Variants in SLC13A5 observed in about 807,000 individuals in gnomAD.
SLC13A5 encodes Na(+)/citrate cotransporter.
In SLC13A5, 25 loss-of-function variants were observed where a neutral mutation model predicts 56.5. That is an observed-to-expected ratio of 0.44 (90% confidence interval 0.32 to 0.62). The LOEUF (loss-of-function observed/expected upper bound fraction) is 0.62. Ranked by LOEUF, SLC13A5 falls within the 20% of genes least tolerant of loss-of-function variation. The pLI is 0.04. For synonymous variants in SLC13A5, 307 were observed against 301.5 expected (o/e 1.02, Z -0.19); for missense variants, 649 against 737.8 (o/e 0.88, Z 1.39).
At chr17:6,708,808 G>T (rs115726133) in intron 1 of SLC13A5, among the ~76,000 whole-genome samples, 2 of 152,058 alleles carry the variant, frequency 1.3e-5, no homozygotes, top group African/African-American at 4.8e-5. Flanking sequence ...GCACGCCCAC[G>T]CTCACTCAGA....
At position 6,693,064 on chromosome 17, in the gene SLC13A5, C is replaced by A; in HGVS notation, c.1255G>T (p.Ala419Ser). The change falls in exon 9 of 12, where the codon GCT (alanine) becomes TCT (serine). Residue 419 changes from alanine to serine, a missense_variant. By Grantham distance (99) the Ala-to-Ser change is moderately conservative. Transcript: ENST00000433363. ...GIVLLLGGGFALAKGSEASGL... is the reference protein window; with the variant it reads ...GIVLLLGGGFSLAKGSEASGL... ...GTTACCTCGGATCCTTTAGCCAGAG[C>A]AAATCCGCCCCCTAGTAGCAGCACG... The A allele has an allele frequency of 6.2e-7, 1 of 1,614,136 alleles. No individual in the cohort carries two copies. Among genetic ancestry groups the A allele is most frequent in the Non-Finnish European group, 8.5e-7 (1 of 1,180,022 alleles).
intron 10 of SLC13A5, chr17:6,688,268 A>ATGCAAACATGTTTGT (rs1319828331): frequency 6.6e-6 from 1 of 152,274 alleles, no homozygotes; most frequent in Non-Finnish European, 1.5e-5. Flanking sequence ...GGGCAGACAC[A>ATGCAAACATGTTTGT]TGCAAACATG....
At chr17:6,695,663 T>C (rs542594714) in intron 7 of SLC13A5, 63 bp downstream of exon 7, 3 of 1,559,794 alleles carry the variant, frequency 1.9e-6, no homozygotes, top group East Asian at 2.2e-5. Flanking sequence ...AGTGCTGGGA[T>C]TACATGTGTG....
chr17:6,699,103 T>TA (rs1973642093), intron 6 of SLC13A5, among the ~76,000 whole-genome samples: 1 of 148,404 alleles, frequency 6.7e-6, no homozygotes, highest in East Asian at 1.9e-4. Context: ...TAAAATAAAA[T>TA]AAAATAAAGA....
chr17:6,688,979 C>T (rs553040261), intron 10 of SLC13A5: 29 of 152,242 alleles, frequency 1.9e-4, no homozygotes, highest in Admixed American at 1.6e-3. Flanking sequence ...TTTTTAATGG[C>T]CTGATAATGT....
intron 1 of SLC13A5, among the ~76,000 whole-genome samples, chr17:6,710,319 G>A (rs180728864): frequency 6.6e-6 from 1 of 152,254 alleles, no homozygotes; most frequent in East Asian, 1.9e-4. Flanking sequence ...AAACAATGTC[G>A]CTCATAAATT....
At position 6,701,102 on chromosome 17, in the gene SLC13A5, G is replaced by C. The variant is rs138520827; in HGVS notation, c.741C>G (p.Leu247=). The change falls in exon 6 of 12, where the codon CTC becomes CTG. Residue 247 remains leucine (L), a synonymous_variant. Transcript: ENST00000433363. The surrounding 1 kb of genome is among the most constrained non-coding windows in gnomAD (Gnocchi z 4.1). ...ATGCAAACCAGGAAGCAAAGTTCAC[G>C]AGGTCCTTGCTGTCAGGAAACAACC... ...MNELFPDSKD[L]VNFASWFAFA... 1 of 1,614,084 alleles carries C rather than the reference G, an allele frequency of 6.2e-7. No individual in the cohort carries two copies. Among genetic ancestry groups the C allele is most frequent in the East Asian group, 2.2e-5 (1 of 44,880 alleles).
Position 6,687,465 on chromosome 17 carries a change from TG to T in SLC13A5, c.1575+63del. The T allele has an allele frequency of 1.3e-6, 2 of 1,593,708 alleles. No individual in the cohort carries two copies. The highest frequency in any genetic ancestry group is 1.3e-5 in the African/African-American group (1 of 74,084). ...GTTTTGAAACTCTGTCATTCATAAA[TG>T]GGGCATCCCTTATGACAACAGCGTT... On this transcript the variant is annotated intron_variant, in intron 11 of 11. Coordinates refer to ENST00000433363, the MANE Select transcript of SLC13A5 (RefSeq NM_177550.5). This position sits in a 1 kb window ranked among gnomAD's most constrained non-coding sequence, Gnocchi z 5.0.
In SLC13A5 at chr17:6,706,896, T is replaced by C. The variant is rs146762871; in HGVS notation, c.232-118A>G. ...AGTGGGGATGCAGGCTCGAGTGGTG[T>C]CTCCCTGCCAGGGAGAATCCACAAA... On this transcript the variant is annotated intron_variant, in intron 2 of 11. Transcript: ENST00000433363. 3.2e-5 allele frequency: 50 copies of C among 1,557,570 alleles called. 1 individual carries two copies. The East Asian group carries it at 1.1e-3, about 34-fold the overall frequency.
At position 6,706,671 on chromosome 17, in the gene SLC13A5, C is replaced by T. The variant is rs1461955174; in HGVS notation, c.339G>A (p.Thr113=). The change falls in exon 3 of 12, where the codon ACG becomes ACA. Residue 113 remains threonine (T), a synonymous_variant. Transcript: ENST00000433363. The part of the protein sequence containing the change: ...WNLHKRIALR[T]LLWVGAKPAR... ...CAGGCTTGGCCCCCACCCAGAGGAG[C>T]GTGCGCAGGGCGATCCTCTTGTGCA... 2 of 1,613,666 alleles carry T rather than the reference C, an allele frequency of 1.2e-6. No individual in the cohort carries two copies. The highest frequency in any genetic ancestry group is 1.7e-5 in the Admixed American group (1 of 59,954).
chr17:6,700,668 T>C (rs1973686657), intron 6 of SLC13A5, among the ~76,000 whole-genome samples: 1 of 152,044 alleles, frequency 6.6e-6, no homozygotes, highest in African/African-American at 2.4e-5. Context: ...CAAATGCAGA[T>C]ACTAAAGGAC....
At chr17:6,706,985 G>A (rs1324465688) in intron 2 of SLC13A5, 43 bp downstream of exon 2, 2 of 1,611,076 alleles carry the variant, frequency 1.2e-6, no homozygotes, top group African/African-American at 1.3e-5. Flanking sequence ...AAAGAGAGAA[G>A]GGGAGAACCA....
At position 6,702,981 on chromosome 17, in the gene SLC13A5, G is replaced by A. The variant is rs1375520259; in HGVS notation, c.705C>T (p.Gly235=). 1.5e-5 allele frequency: 25 copies of A among 1,614,102 alleles called. No homozygotes were observed. Among genetic ancestry groups the A allele is most frequent in the Non-Finnish European group, 2.1e-5 (25 of 1,180,008 alleles). ...GACCAAGGACTCACTCGTTCATCTG[G>A]CCCAGGAGCACCACGTTGGGTCCCG... ...TGTGPNVVLL[G]QMNELFPDSK... The change falls in exon 5 of 12, where the codon GGC becomes GGT. Residue 235 remains glycine (G), a synonymous_variant. Coordinates refer to ENST00000433363, the MANE Select transcript of SLC13A5 (RefSeq NM_177550.5).
intron 6 of SLC13A5, among the ~76,000 whole-genome samples, chr17:6,696,775 G>A (rs1973572640): frequency 1.3e-5 from 2 of 152,170 alleles, no homozygotes; most frequent in Admixed American, 6.5e-5. Flanking sequence ...GGGTGGGCAA[G>A]GCCAAGAGTA....
At chr17:6,706,926 G>T in intron 2 of SLC13A5, 102 bp downstream of exon 2, 1 of 1,564,244 alleles carries the variant, frequency 6.4e-7, no homozygotes, top group Non-Finnish European at 8.7e-7. Context: ...CACAAATGAG[G>T]GTTTTCCGGT....
rs1284663448 is a variant in SLC13A5, at chr17:6,701,939, G to A, written c.717-813C>T. Among the ~76,000 whole-genome samples, 1 of 152,114 alleles carries A rather than the reference G, an allele frequency of 6.6e-6. No homozygotes were observed. Among genetic ancestry groups the A allele is most frequent in the Non-Finnish European group, 1.5e-5 (1 of 68,024 alleles). On this transcript the variant is annotated intron_variant, in intron 5 of 11. Transcript: ENST00000433363. The surrounding 1 kb of genome is among the most constrained non-coding windows in gnomAD (Gnocchi z 4.1). ...CCGGGGCTCTGCTAGCCCCAGGGGC[G>A]CCCCCTTTAGCTCAAGAGTGTCAAA... is the stretch of plus-strand genomic sequence containing the variant.
rs759151984 is a variant in SLC13A5, at chr17:6,687,594, A to G, written c.1510T>C (p.Leu504=). The change falls in exon 11 of 12, where the codon TTG becomes CTG. Residue 504 remains leucine, a synonymous_variant. Coordinates refer to ENST00000433363, the MANE Select transcript of SLC13A5 (RefSeq NM_177550.5). This position sits in a 1 kb window ranked among gnomAD's most constrained non-coding sequence, Gnocchi z 5.0. ...GCATTTGGAGGGGTGGCCACAGGCA[A>G]CATGAAGGCAAAGGAGGCACTCAGG... ...CTLSASFAFM[L]PVATPPNAIV... 11 of 1,613,994 alleles carry G rather than the reference A, an allele frequency of 6.8e-6. No individual in the cohort carries two copies. The highest frequency in any genetic ancestry group is 1.7e-4 in the Middle Eastern group (1 of 6,060).
In SLC13A5 at chr17:6,701,697, G is replaced by C. The variant is rs904594355; in HGVS notation, c.717-571C>G. On this transcript the variant is annotated intron_variant, in intron 5 of 11. Transcript: ENST00000433363. The surrounding 1 kb of genome is among the most constrained non-coding windows in gnomAD (Gnocchi z 4.1). ...TGCACTCCAGCCTGGGCGACAGAGC[G>C]AGACTTGTCTCAAAAAGAAAAAAAA... Among the ~76,000 whole-genome samples the C allele has an allele frequency of 6.6e-6, 1 of 152,184 alleles. No homozygotes were observed. Among genetic ancestry groups the C allele is most frequent in the African/African-American group, 2.4e-5 (1 of 41,442 alleles).
chr17:6,695,920 G>A lies in SLC13A5; in HGVS notation c.861C>T (p.Cys287=), dbSNP rs148018915. Residue 287 remains cysteine (C), a synonymous_variant, in exon 7 of 12, where the codon TGC becomes TGT. Coordinates refer to ENST00000433363, the MANE Select transcript of SLC13A5 (RefSeq NM_177550.5). The part of the protein sequence containing the change: ...MRFNFKKSWG[C]GLESKKNEKA... Reference sequence around the variant, plus strand: ...TCTCGTTTTTCTTGCTCTCTAGCCCGCAGCCCCAGGACTTTTTAAAACTGG... The same window carrying A: ...TCTCGTTTTTCTTGCTCTCTAGCCCACAGCCCCAGGACTTTTTAAAACTGG... 2.6e-5 allele frequency: 42 copies of A among 1,613,936 alleles called. No individual in the cohort carries two copies. The highest frequency in any genetic ancestry group is 9.3e-5 in the African/African-American group (7 of 75,040).
Sources: gnomAD v4.1 joint callset for allele counts (sites outside exome capture counted in the v4.1 genomes callset) on GRCh38, gnomAD v4.1.1 for gene constraint, Gnocchi (gnomAD v3.1) non-coding constraint, MANE v1.5 for transcripts, NCBI Gene and HGNC (gene_info 2026-07-23, HGNC 2026-07-21) for gene names.